The following FOXP2 variants were observed in gnomAD, a reference collection of about 807,000 sequenced individuals.
The protein encoded by FOXP2 is forkhead box protein P2.
A neutral mutation model predicts 115.8 loss-of-function variants in FOXP2; 12 were observed. The observed-to-expected ratio is 0.10, with a 90% CI of 0.07 to 0.17. The LOEUF is 0.17. FOXP2 is among the 10% of genes least tolerant of loss of function. The probability of loss-of-function intolerance (pLI) is 1.00; values close to 1 mark genes in which losing one functional copy is unlikely to be tolerated. For synonymous variants in FOXP2, 328 were observed against 297.7 expected (o/e 1.10, Z -1.05); for missense variants, 629 against 843.5 (o/e 0.75, Z 3.15).
chr7:114,664,182 T>G, intron 15 of FOXP2, 91 bp from the exon 16 acceptor site: 1 of 1,372,808 alleles, frequency 7.3e-7, no homozygotes, highest in Non-Finnish European at 1.0e-6. Flanking sequence ...ATCTATTTCC[T>G]TATTGGAACC....
chr7:114,343,748 C>T (rs1474467241), intron 2 of FOXP2, among the ~76,000 whole-genome samples: 4 of 151,564 alleles, frequency 2.6e-5, no homozygotes, highest in African/African-American at 4.8e-5. Flanking sequence ...CCTTTACTTT[C>T]TTCAGAAATT....
chr7:114,351,155 G>C (rs564885794), intron 2 of FOXP2, among the ~76,000 whole-genome samples: 6 of 152,148 alleles, frequency 3.9e-5, no homozygotes, highest in Admixed American at 1.3e-4. Context: ...AAGGCCAACT[G>C]TATGGTGTTT....
intron 2 of FOXP2, among the ~76,000 whole-genome samples, chr7:114,361,631 T>C (rs549127112): frequency 6.6e-6 from 1 of 152,232 alleles, no homozygotes; most frequent in Middle Eastern, 3.4e-3. Flanking sequence ...TACTTTTATA[T>C]AGCAATTAGT....
chr7:114,418,337 A>G (rs1474569939), intron 1 of FOXP2, among the ~76,000 whole-genome samples: 1 of 151,894 alleles, frequency 6.6e-6, no homozygotes, highest in African/African-American at 2.4e-5. Flanking sequence ...CAGCCCTCCA[A>G]CATAATGACC....
At chr7:114,265,306 G>A (rs1172273334) in intron 1 of FOXP2, among the ~76,000 whole-genome samples, 1 of 152,136 alleles carries the variant, frequency 6.6e-6, no homozygotes. Context: ...AAAGAAAGGG[G>A]CTACAGGTCT....
intron 3 of FOXP2, among the ~76,000 whole-genome samples, chr7:114,560,805 G>T (rs1170987316): frequency 1.3e-5 from 2 of 152,144 alleles, no homozygotes; most frequent in Non-Finnish European, 2.9e-5. Flanking sequence ...AATTTTGACA[G>T]TATGATTATT....
chr7:114,208,772 G>GCT lies in FOXP2; in HGVS notation c.-102+45695_-102+45696dup, dbSNP rs1352530534. Among the ~76,000 whole-genome samples the GCT allele has an allele frequency of 2.6e-5, 4 of 152,016 alleles. No homozygotes were observed. In the East Asian group the frequency reaches 5.8e-4, roughly 22 times the overall value. ...TATAAGGAGGAGTTTTCCTCCACAA[G>GCT]CTCTCTCTCTCTTTGCCTGATGCCA... On this transcript the variant is annotated intron_variant, in intron 1 of 17. Coordinates refer to the FOXP2 transcript ENST00000634411.
intron 2 of FOXP2, among the ~76,000 whole-genome samples, chr7:114,358,369 A>C (rs1791664730): frequency 6.6e-6 from 1 of 152,188 alleles, no homozygotes; most frequent in African/African-American, 2.4e-5. Context: ...CTAATACAGT[A>C]AATTGGCACC....
At chr7:114,176,335 T>G (rs1445150812) in intron 1 of FOXP2, among the ~76,000 whole-genome samples, 1 of 149,482 alleles carries the variant, frequency 6.7e-6, no homozygotes, top group Non-Finnish European at 1.5e-5. Context: ...TTTTTCTTTC[T>G]TTCTCTCTCT....
rs1329140978 is a variant in FOXP2 at position 114,664,311 on chromosome 7, T to C, written c.1878T>C (p.Asn626=). The change falls in exon 16 of 17, where the codon AAT becomes AAC. Residue 626 remains asparagine (N), a synonymous_variant. Transcript: ENST00000350908. ...AGAGCAGTTTACCTTTGCTAAGTAATCCTGGACTGATAAATAATGCATCCA... is the reference window on the plus strand; with the variant it reads ...AGAGCAGTTTACCTTTGCTAAGTAACCCTGGACTGATAAATAATGCATCCA... ...LAESSLPLLS[N]PGLINNASSG... is the part of the protein sequence containing the mutation. 1 of 1,613,460 alleles carries C rather than the reference T, an allele frequency of 6.2e-7. No homozygotes were observed. Among genetic ancestry groups the C allele is most frequent in the African/African-American group, 1.3e-5 (1 of 74,912 alleles).
intron 1 of FOXP2, among the ~76,000 whole-genome samples, chr7:114,244,470 A>G (rs1025562390): frequency 5.3e-5 from 8 of 152,192 alleles, no homozygotes; most frequent in Admixed American, 2.0e-4. Context: ...GTAATTTTCA[A>G]CTAAGCACAT....
chr7:114,570,742 C>A (rs558446693), intron 3 of FOXP2: 1 of 1,174,876 alleles, frequency 8.5e-7, no homozygotes, highest in East Asian at 2.3e-5. Flanking sequence ...TGATAATGTA[C>A]GTTATTAGCA....
rs147465509 is a variant in FOXP2, at chr7:114,464,840, A to G, written c.168+38161A>G. Among the ~76,000 whole-genome samples the G allele has an allele frequency of 1.2e-4, 18 of 152,302 alleles. No homozygotes were observed. In the East Asian group the frequency reaches 2.1e-3, roughly 18 times the overall value. On this transcript the variant is annotated intron_variant, in intron 2 of 16. Coordinates refer to ENST00000350908, the MANE Select transcript of FOXP2 (RefSeq NM_014491.4). The stretch of plus-strand genomic sequence containing the variant: ...AACAAACAAAAAACCTGTTTGTGAC[A>G]TACTACTCTACTCATCATGAGTGTT...
At chr7:114,328,340 C>T (rs1797612656) in intron 2 of FOXP2, among the ~76,000 whole-genome samples, 1 of 151,234 alleles carries the variant, frequency 6.6e-6, no homozygotes, top group East Asian at 1.9e-4. Flanking sequence ...GGATTCACGC[C>T]ATTCTCCTGC....
At chr7:114,191,867 A>G (rs1793769206) in intron 1 of FOXP2, among the ~76,000 whole-genome samples, 1 of 152,100 alleles carries the variant, frequency 6.6e-6, no homozygotes, top group Non-Finnish European at 1.5e-5. Context: ...ATCCACCATT[A>G]CAGTATCATA....
intron 3 of FOXP2, among the ~76,000 whole-genome samples, chr7:114,580,927 T>A (rs569743581): frequency 6.3e-4 from 95 of 151,886 alleles, no homozygotes; most frequent in Non-Finnish European, 1.2e-3. Flanking sequence ...TTTAAGGAGA[T>A]CCTGAAGAGT....
intron 2 of FOXP2, among the ~76,000 whole-genome samples, chr7:114,360,537 A>G (rs2129187471): frequency 6.6e-6 from 1 of 152,082 alleles, no homozygotes; most frequent in African/African-American, 2.4e-5. Flanking sequence ...AAGTCAATCT[A>G]CTCCCAAACC....
Position 114,629,894 on chromosome 7 carries a change from ACAG to A in FOXP2, c.492_494del (p.Gln191del). 1 of 1,612,274 alleles carries A rather than the reference ACAG, an allele frequency of 6.2e-7. No homozygotes were observed. The highest frequency in any genetic ancestry group is 8.5e-7 in the Non-Finnish European group (1 of 1,179,244). On this transcript the variant is annotated inframe_deletion, in exon 5 of 17. Coordinates refer to ENST00000350908, the MANE Select transcript of FOXP2 (RefSeq NM_014491.4). ...AGCAGCAACAGCAGCAGCAGCAACA[ACAG>A]CAGCAACAACAGCAGCAGCAACAAC...
chr7:114,335,439 C>T (rs998084502), intron 2 of FOXP2, among the ~76,000 whole-genome samples: 10 of 151,586 alleles, frequency 6.6e-5, no homozygotes, highest in East Asian at 3.9e-4. Flanking sequence ...TTTAGTAACA[C>T]GGAAAACAGC....
Sources: gnomAD v4.1 joint callset for allele counts (sites outside exome capture counted in the v4.1 genomes callset) on GRCh38, gnomAD v4.1.1 for gene constraint, MANE v1.5 for transcripts, NCBI Gene and HGNC (gene_info 2026-07-23, HGNC 2026-07-21) for gene names.